PACS2: variants seen among roughly 807,000 people sequenced by gnomAD.
The protein encoded by PACS2 is PACS1-like protein.
PACS2 carries 36 observed loss-of-function variants against 113.0 expected under a neutral mutation model. That is an observed-to-expected ratio of 0.32 (90% CI 0.24 to 0.42). The LOEUF is 0.42. Among genes scored for constraint, PACS2 ranks in the 10% least tolerant of loss-of-function variants. PACS2 has a pLI of 1.00. For missense variants in PACS2, 1,015 were observed against 1,239.5 expected, an observed-to-expected ratio of 0.82 and a Z score of 2.72; for synonymous variants, 589 against 536.1, an observed-to-expected ratio of 1.10 and a Z score of -1.36.
At position 105,397,703 on chromosome 14, in the gene PACS2, GT is replaced by G. The variant is rs2081566147; in HGVS notation, c.*3032del. On this transcript the variant is annotated 3_prime_UTR_variant, in exon 25 of 25. Transcript: ENST00000447393. The stretch of plus-strand genomic sequence containing the variant: ...AGGGGCCTCTGGGTGAGAGCTGGGG[GT>G]GTCTCTGCAGGGTACTGGCAGCCTT... 6.6e-6 allele frequency: 1 copy of G among 152,638 alleles called. No homozygotes were observed. Among genetic ancestry groups the G allele is most frequent in the African/African-American group, 2.4e-5 (1 of 41,488 alleles). The allele number at this position is 152,638 out of a possible 1,614,324, so 9.5% of individuals were successfully genotyped here. A position where few individuals can be genotyped will look rare whatever the true frequency, so the allele number is the denominator to read the frequency against.
chr14:105,357,197 T>A lies in PACS2; in HGVS notation c.423+2020T>A, dbSNP rs1380339883. On this transcript the variant is annotated intron_variant, in intron 4 of 24. Coordinates refer to ENST00000447393, the MANE Select transcript of PACS2 (RefSeq NM_001100913.3). The surrounding 1 kb of genome is among the most constrained non-coding windows in gnomAD (Gnocchi z 5.1). ...ATGCTGGCCTCTGCTCCCAGGCCCC[T>A]CCCTCACCTGTCCTCCCAGCCTTGG... 3.9e-5 allele frequency among the ~76,000 whole-genome samples: 6 copies of A among 152,092 alleles called. No homozygotes were observed. Among genetic ancestry groups the A allele is most frequent in the African/African-American group, 1.4e-4 (6 of 41,410 alleles).
In PACS2 at chr14:105,350,121, C is replaced by G. The variant is rs183595716; in HGVS notation, c.207+1541C>G. 3.5e-3 allele frequency among the ~76,000 whole-genome samples: 539 copies of G among 152,214 alleles called. 2 individuals carry two copies. The highest frequency in any genetic ancestry group is 0.012 in the African/African-American group (514 of 41,522). On this transcript the variant is annotated intron_variant, in intron 2 of 24. Coordinates refer to ENST00000447393, the MANE Select transcript of PACS2 (RefSeq NM_001100913.3). ...CCGCCTGTCCTGCCCATGGGTGTGG[C>G]CATGCCCAGGGTGCCCAGTACCTGC...
chr14:105,348,431 C>A lies in PACS2; in HGVS notation c.120-62C>A. ...CCGGGGTGACACAGTGCTGGGACGG[C>A]ACAGGGCCGCGTCCTGAGGAGAGGG... On this transcript the variant is annotated intron_variant, in intron 1 of 24. Coordinates refer to ENST00000447393, the MANE Select transcript of PACS2 (RefSeq NM_001100913.3). This position sits in a 1 kb window ranked among gnomAD's most constrained non-coding sequence, Gnocchi z 6.4. 1 of 1,321,468 alleles carries A rather than the reference C, an allele frequency of 7.6e-7. No individual in the cohort carries two copies. Among genetic ancestry groups the A allele is most frequent in the Non-Finnish European group, 1.1e-6 (1 of 924,616 alleles). The allele number at this position is 1,321,468 out of a possible 1,614,324, so 81.9% of individuals were successfully genotyped here. A position where few individuals can be genotyped will look rare whatever the true frequency, so the allele number is the denominator to read the frequency against.
chr14:105,314,364 G>A, upstream of PACS2: 1 of 152,044 alleles, frequency 6.6e-6, no homozygotes, highest in Non-Finnish European at 1.5e-5. Context: ...GCATCGCCAG[G>A]GCGACGATGA....
chr14:105,387,691 A>C (rs1736108725), intron 19 of PACS2, among the ~76,000 whole-genome samples: 1 of 152,160 alleles, frequency 6.6e-6, no homozygotes, highest in South Asian at 2.1e-4. Flanking sequence ...CTGTGTTGTG[A>C]CGTCTCCTGC....
At chr14:105,304,318 A>G (rs1376220919) in intron 1 of PACS2, among the ~76,000 whole-genome samples, 1 of 152,090 alleles carries the variant, frequency 6.6e-6, no homozygotes, top group Non-Finnish European at 1.5e-5. Flanking sequence ...GGTGAAACCC[A>G]TCTTTCCAAA....
intron 4 of PACS2, among the ~76,000 whole-genome samples, chr14:105,364,271 G>A (rs2060842270): frequency 6.6e-6 from 1 of 150,460 alleles, no homozygotes; most frequent in Non-Finnish European, 1.5e-5. Context: ...CTGCAGCCCG[G>A]GTGCGCGGTG....
intron 1 of PACS2, among the ~76,000 whole-genome samples, chr14:105,338,387 G>C (rs1479666780): frequency 6.6e-6 from 1 of 152,188 alleles, no homozygotes; most frequent in Non-Finnish European, 1.5e-5. Flanking sequence ...CCTTCTCCCG[G>C]AAGTCCCTGC....
At position 105,365,712 on chromosome 14, in the gene PACS2, G is replaced by A. The variant is rs2060920711; in HGVS notation, c.424-1501G>A. Among the ~76,000 whole-genome samples the A allele has an allele frequency of 6.6e-6, 1 of 152,104 alleles. No individual in the cohort carries two copies. The highest frequency in any genetic ancestry group is 1.5e-5 in the Non-Finnish European group (1 of 68,018). ...CTCCCCTCTGAGCTCATTTTACTGGGATCCCCAGCAAGGGCTCAGCATTTC... is the reference window on the plus strand; with the variant it reads ...CTCCCCTCTGAGCTCATTTTACTGGAATCCCCAGCAAGGGCTCAGCATTTC... On this transcript the variant is annotated intron_variant, in intron 4 of 24. Transcript: ENST00000447393. The surrounding 1 kb of genome is among the most constrained non-coding windows in gnomAD (Gnocchi z 5.1).
At chr14:105,341,696 T>C (rs587740121) in intron 1 of PACS2, among the ~76,000 whole-genome samples, 3 of 152,228 alleles carry the variant, frequency 2.0e-5, no homozygotes, top group East Asian at 3.8e-4. Context: ...ATTCTTTTTA[T>C]TCCTTATTTT....
intron 1 of PACS2, among the ~76,000 whole-genome samples, chr14:105,332,734 G>T (rs1298200675): frequency 6.6e-6 from 1 of 152,200 alleles, no homozygotes; most frequent in Non-Finnish European, 1.5e-5. Flanking sequence ...TCTGAGGTCT[G>T]AGTCCCCCGC....
Position 105,391,617 on chromosome 14 carries a change from A to C in PACS2, c.2120-14A>C. 1 of 1,541,402 alleles carries C rather than the reference A, an allele frequency of 6.5e-7. No homozygotes were observed. The highest frequency in any genetic ancestry group is 8.8e-7 in the Non-Finnish European group (1 of 1,140,652). On this transcript the variant is annotated splice_polypyrimidine_tract_variant and intron_variant, in intron 21 of 24. Coordinates refer to ENST00000447393, the MANE Select transcript of PACS2 (RefSeq NM_001100913.3). ...GCAGGTGGGCTCAGCCTGCCCTGTGACTCCTCCCCAAAGGCGACTCGGACG... is the reference window on the plus strand; with the variant it reads ...GCAGGTGGGCTCAGCCTGCCCTGTGCCTCCTCCCCAAAGGCGACTCGGACG...
At chr14:105,379,984 C>G in intron 10 of PACS2, 96 bp from the exon 11 acceptor site, 1 of 1,336,706 alleles carries the variant, frequency 7.5e-7, no homozygotes, top group Non-Finnish European at 1.1e-6. Flanking sequence ...ACGCAGGTAC[C>G]CCGGGCCTCC....
At chr14:105,362,287 G>A (rs4983608) in intron 4 of PACS2, among the ~76,000 whole-genome samples, 20,357 of 144,198 alleles carry the variant, frequency 0.14, 2,816 homozygotes, top group East Asian at 0.77. Flanking sequence ...GCGTGGTGGC[G>A]GGCGCCTGTA....
rs587734468 is a variant in PACS2 at position 105,323,040 on chromosome 14, C to T, written c.119+8003C>T. Among the ~76,000 whole-genome samples the T allele has an allele frequency of 3.9e-5, 6 of 152,214 alleles. No individual in the cohort carries two copies. Among genetic ancestry groups the T allele is most frequent in the Admixed American group, 1.3e-4 (2 of 15,304 alleles). ...AGCTTTGCTGTAAGAGGTCAGCGGC[C>T]GTGACAGGCTGGAGGGAGACGTCTG... On this transcript the variant is annotated intron_variant, in intron 1 of 24. Transcript: ENST00000447393. The surrounding 1 kb of genome is among the most constrained non-coding windows in gnomAD (Gnocchi z 4.1).
rs896956465 is a variant in PACS2 at position 105,324,736 on chromosome 14, G to C, written c.119+9699G>C. On this transcript the variant is annotated intron_variant, in intron 1 of 24. Transcript: ENST00000447393. The surrounding 1 kb of genome is among the most constrained non-coding windows in gnomAD (Gnocchi z 4.7). ...TGGCGCCCCGTCTCACCCCACGGAT[G>C]GGGGGCAGGCTCTCCAGGAGCCCCA... Among the ~76,000 whole-genome samples, 4 of 152,142 alleles carry C rather than the reference G, an allele frequency of 2.6e-5. No homozygotes were observed. The highest frequency in any genetic ancestry group is 9.7e-5 in the African/African-American group (4 of 41,436).
rs1443467395 is a variant in PACS2 at position 105,395,899 on chromosome 14, C to CT, written c.*1228dup. 6.6e-6 allele frequency: 1 copy of CT among 152,346 alleles called. No homozygotes were observed. The highest frequency in any genetic ancestry group is 1.9e-4 in the East Asian group (1 of 5,192). The allele number at this position is 152,346 out of a possible 1,614,324, so 9.4% of individuals were successfully genotyped here. A position where few individuals can be genotyped will look rare whatever the true frequency, so the allele number is the denominator to read the frequency against. ...GTCTCCATAGGAGGAGCTGGGGAAG[C>CT]TGGGGCCCTCCCAGGGGTCCTGATC... On this transcript the variant is annotated 3_prime_UTR_variant, in exon 25 of 25. Coordinates refer to ENST00000447393, the MANE Select transcript of PACS2 (RefSeq NM_001100913.3).
intron 22 of PACS2, chr14:105,392,321 G>A (rs960344238): frequency 1.1e-5 from 5 of 452,756 alleles, no homozygotes; most frequent in African/African-American, 2.0e-5. Flanking sequence ...CTGCGCCTGA[G>A]GGAGCTGGTT....
upstream of PACS2, among the ~76,000 whole-genome samples, chr14:105,309,528 G>C (rs970337916): frequency 6.6e-6 from 1 of 152,188 alleles, no homozygotes; most frequent in Non-Finnish European, 1.5e-5. The surrounding 1 kb of genome is among the most constrained non-coding windows in gnomAD (Gnocchi z 4.0). Context: ...TGTCCCTGTT[G>C]ACATTTCCAG....
Sources: gnomAD v4.1 joint callset for allele counts (sites outside exome capture counted in the v4.1 genomes callset) on GRCh38, gnomAD v4.1.1 for gene constraint, Gnocchi (gnomAD v3.1) non-coding constraint, MANE v1.5 for transcripts, NCBI Gene and HGNC (gene_info 2026-07-23, HGNC 2026-07-21) for gene names.